Variants in LRIG1 observed in about 807,000 individuals in gnomAD.
LRIG1 encodes the protein leucine rich repeats and immunoglobulin like domains 1, also known as leucine-rich repeats and immunoglobulin-like domains protein 1.
LRIG1 carries 48 observed loss-of-function variants against 99.2 expected under a neutral mutation model. That is an observed-to-expected ratio of 0.48 (90% CI 0.38 to 0.62). The LOEUF is 0.62. LRIG1 is among the 20% of genes least tolerant of loss of function. The pLI is 0.00. For synonymous variants in LRIG1, 772 were observed against 596.1 expected (o/e 1.29, Z -4.30); for missense variants, 1,646 against 1,434.4 (o/e 1.15, Z -2.38).
At chr3:66,449,327 T>C (rs545483660) in intron 3 of LRIG1, among the ~76,000 whole-genome samples, 2 of 152,332 alleles carry the variant, frequency 1.3e-5, no homozygotes, top group East Asian at 1.9e-4. Flanking sequence ...GTTTCTGTCA[T>C]TTCAGAGAAA....
rs1387222783 is a variant in LRIG1, at chr3:66,383,263, T to A, written c.2210A>T (p.Glu737Val). 3 of 1,614,072 alleles carry A rather than the reference T, an allele frequency of 1.9e-6. No homozygotes were observed. Among genetic ancestry groups the A allele is most frequent in the South Asian group, 1.1e-5 (1 of 91,082 alleles). ...GTTGTCAGGGGTCAAGTGGTGCCGC[T>A]CAGTGAGGCTCAGCGGGCGGTCCCC... ...FKGDRPLSLTERHHLTPDNQL... is the reference protein window; with the variant it reads ...FKGDRPLSLTVRHHLTPDNQL... Residue 737 changes from glutamate (E) to valine (V), a missense_variant, in exon 15 of 19, where the codon GAG becomes GTG. Glu to Val is a moderately radical substitution (Grantham distance 121). Coordinates refer to ENST00000273261, the MANE Select transcript of LRIG1 (RefSeq NM_015541.3).
In LRIG1 at chr3:66,383,364, C is replaced by G; in HGVS notation, c.2109G>C (p.Val703=). The G allele has an allele frequency of 6.3e-7, 1 of 1,577,966 alleles. No individual in the cohort carries two copies. Among genetic ancestry groups the G allele is most frequent in the African/African-American group, 1.3e-5 (1 of 74,558 alleles). ...PSLVVPLEDR[V]VSVGETVALQ... is the part of the protein sequence containing the mutation. ...GGGCCACTGTTTCTCCCACAGATAC[C>G]ACACGGTCTTCCAAGGGGACCACCA... Residue 703 remains valine (V), a synonymous_variant, in exon 15 of 19, where the codon GTG becomes GTC. Coordinates refer to ENST00000273261, the MANE Select transcript of LRIG1 (RefSeq NM_015541.3).
chr3:66,381,906 A>G (rs1701094400), intron 16 of LRIG1, among the ~76,000 whole-genome samples: 1 of 152,106 alleles, frequency 6.6e-6, no homozygotes, highest in African/African-American at 2.4e-5. Context: ...CATCCTGGTG[A>G]CAGCTTTCCA....
chr3:66,428,930 T>C (rs986464258), intron 3 of LRIG1, among the ~76,000 whole-genome samples: 2 of 152,210 alleles, frequency 1.3e-5, no homozygotes, highest in Non-Finnish European at 2.9e-5. Context: ...TTTTGGCAGA[T>C]TCTCAGCCTG....
Position 66,452,531 on chromosome 3 carries a change from T to C in LRIG1, c.291-898A>G, listed in dbSNP as rs9818858. ...TCAGGCTTTCTGCCAGGTGATGGGCTAGAAAGAAATTGTACTTGCGATGCA... is the reference window on the plus strand; with the variant it reads ...TCAGGCTTTCTGCCAGGTGATGGGCCAGAAAGAAATTGTACTTGCGATGCA... On this transcript the variant is annotated intron_variant, in intron 2 of 18. Transcript: ENST00000273261. Among the ~76,000 whole-genome samples, 4 of 152,154 alleles carry C rather than the reference T, an allele frequency of 2.6e-5. No homozygotes were observed. The South Asian group carries it at 8.3e-4, about 31-fold the overall frequency.
At chr3:66,453,323 C>T (rs573036687) in intron 2 of LRIG1, among the ~76,000 whole-genome samples, 40 of 152,302 alleles carry the variant, frequency 2.6e-4, no homozygotes, top group African/African-American at 9.6e-4. Flanking sequence ...GACTATGTGC[C>T]AGGCACAGCT....
intron 2 of LRIG1, among the ~76,000 whole-genome samples, chr3:66,453,471 T>G (rs951543987): frequency 1.3e-5 from 2 of 152,354 alleles, no homozygotes; most frequent in Middle Eastern, 3.4e-3. Context: ...TAAGTTGCAG[T>G]GGCCCAGGGT....
At chr3:66,462,783 G>C (rs183585522) in intron 1 of LRIG1, among the ~76,000 whole-genome samples, 1 of 152,178 alleles carries the variant, frequency 6.6e-6, no homozygotes, top group Admixed American at 6.5e-5. Flanking sequence ...GAAATTCTAA[G>C]GTAAACCAGC....
intron 3 of LRIG1, among the ~76,000 whole-genome samples, chr3:66,438,047 A>G (rs572173305): frequency 1.3e-5 from 2 of 152,304 alleles, no homozygotes; most frequent in Admixed American, 6.5e-5. Flanking sequence ...AATATTGATG[A>G]AGGTACTTCA....
rs148872922 is a variant in LRIG1, at chr3:66,380,650, C to T, written c.2982G>A (p.Ser994=). The T allele has an allele frequency of 7.4e-4, 1,199 of 1,614,186 alleles. 4 individuals are homozygous for T. The highest frequency in any genetic ancestry group is 1.1e-3 in the Admixed American group (66 of 60,036). ...TTCTATCGTGGTTACTGGGGTAGAG[C>T]GACCCTTGGCACTCGGGGCAGGACC... ...AAGSCPECQG[S]LYPSNHDRML... is the part of the protein sequence containing the mutation. Residue 994 remains serine (S), a synonymous_variant, in exon 18 of 19, where the codon TCG becomes TCA. Coordinates refer to ENST00000273261, the MANE Select transcript of LRIG1 (RefSeq NM_015541.3).
intron 1 of LRIG1, among the ~76,000 whole-genome samples, chr3:66,496,191 CACT>C (rs1468279449): frequency 6.6e-6 from 1 of 152,146 alleles, no homozygotes; most frequent in Non-Finnish European, 1.5e-5. Flanking sequence ...AGAGACAATA[CACT>C]ACTTTTTAAA....
chr3:66,451,681 T>G, intron 2 of LRIG1, 48 bp from the exon 3 acceptor site: 1 of 1,396,056 alleles, frequency 7.2e-7, no homozygotes, highest in South Asian at 1.2e-5. Context: ...TGAATTAGTC[T>G]GAAATCATAC....
chr3:66,382,141 T>A (rs1270459144), intron 16 of LRIG1, 132 bp downstream of exon 16: 14 of 1,015,248 alleles, frequency 1.4e-5, no homozygotes, highest in Non-Finnish European at 1.9e-5. Flanking sequence ...CCCTTAGTCA[T>A]ACCGCCTTCT....
chr3:66,432,216 C>T (rs1362680660), intron 3 of LRIG1, among the ~76,000 whole-genome samples: 1 of 152,140 alleles, frequency 6.6e-6, no homozygotes, highest in African/African-American at 2.4e-5. Flanking sequence ...GAACCCCCTG[C>T]CCCCGACACT....
chr3:66,405,806 C>T, intron 8 of LRIG1: 2 of 1,177,356 alleles, frequency 1.7e-6, no homozygotes, highest in East Asian at 7.0e-5. Context: ...CTGCAGGGCG[C>T]TGACTCTGAG....
intron 7 of LRIG1, among the ~76,000 whole-genome samples, chr3:66,408,315 A>C (rs1004932094): frequency 6.6e-6 from 1 of 152,202 alleles, no homozygotes; most frequent in Non-Finnish European, 1.5e-5. Context: ...CTGTCAGTTA[A>C]ACAGACCTGG....
At chr3:66,433,727 G>A (rs1443499387) in intron 3 of LRIG1, among the ~76,000 whole-genome samples, 2 of 152,228 alleles carry the variant, frequency 1.3e-5, no homozygotes, top group Non-Finnish European at 2.9e-5. Context: ...GGGTGGGATT[G>A]AGGAGTTGGC....
At chr3:66,411,056 CATGGGGT>C (rs1702448720) in intron 6 of LRIG1, among the ~76,000 whole-genome samples, 2 of 152,176 alleles carry the variant, frequency 1.3e-5, no homozygotes, top group African/African-American at 2.4e-5. Context: ...GCACTGACTC[CATGGGGT>C]CACTATAAGA....
intron 2 of LRIG1, among the ~76,000 whole-genome samples, chr3:66,456,519 G>A (rs1024185780): frequency 6.7e-6 from 1 of 148,360 alleles, no homozygotes; most frequent in African/African-American, 2.5e-5. Context: ...GCTGCAGTCA[G>A]CTATGACCAT....
Sources: allele counts gnomAD v4.1 joint callset (sites outside exome capture counted in the v4.1 genomes callset), GRCh38; gene constraint gnomAD v4.1.1; transcripts MANE v1.5; gene names NCBI Gene and HGNC (gene_info 2026-07-23, HGNC 2026-07-21).